The following SREBF1 variants were observed in gnomAD, a reference collection of about 807,000 sequenced individuals.
SREBF1 encodes sterol regulatory element binding transcription factor 1, also known as sterol regulatory element-binding protein 1.
In SREBF1, 45 loss-of-function variants were observed where a neutral mutation model predicts 100.1. The ratio of observed to expected loss-of-function variants is 0.45; its 90% CI spans 0.35 to 0.58. The LOEUF (loss-of-function observed/expected upper bound fraction) is 0.58, where lower values mean the gene tolerates loss of function less well. Among genes scored for constraint, SREBF1 ranks in the 20% least tolerant of loss-of-function variants. The pLI is 0.00. For missense variants in SREBF1, 1,324 were observed against 1,539.4 expected, an observed-to-expected ratio of 0.86 and a Z score of 2.34; for synonymous variants, 657 against 681.8, an observed-to-expected ratio of 0.96 and a Z score of 0.57.
Position 17,814,602 on chromosome 17 carries a change from G to T in SREBF1, c.2735+13C>A, listed in dbSNP as rs2033339200. 3 of 1,538,830 alleles carry T rather than the reference G, an allele frequency of 1.9e-6. No individual in the cohort carries two copies. ...GCCCGGGACCAGGCAGGAGGAACCT[G>T]CCGTGCACTCACTCAGACTCCTGCA... On this transcript the variant is annotated intron_variant, in intron 15 of 18. Transcript: ENST00000261646.
chr17:17,818,398 G>A (rs2033817376), intron 5 of SREBF1, 24 bp from the exon 6 acceptor site: 4 of 1,461,152 alleles, frequency 2.7e-6, no homozygotes, highest in Non-Finnish European at 3.8e-6. Context: ...GAGGGAGGGG[G>A]AGCGCACAGG....
chr17:17,811,535 CTG>C lies in SREBF1; in HGVS notation c.*1085_*1086del, dbSNP rs1491475690. 2.7e-3 allele frequency: 491 copies of C among 181,182 alleles called. 2 individuals are homozygous for C. The African/African-American group carries it at 0.038, about 14-fold the overall frequency. 11.2% of individuals were successfully genotyped at this position (181,182 alleles called of 1,614,324 possible). A position where few individuals can be genotyped will look rare whatever the true frequency, so the allele number is the denominator to read the frequency against. On this transcript the variant is annotated 3_prime_UTR_variant, in exon 19 of 19. Transcript: ENST00000261646. ...TGGGGAATGGGAATGAAGGGAGGGGCTGGGGGGGGGGGCATGAATGGAGTCAG... is the reference window on the plus strand; with the variant it reads ...TGGGGAATGGGAATGAAGGGAGGGGCGGGGGGGGGGCATGAATGGAGTCAG...
intron 14 of SREBF1, 23 bp from the exon 15 acceptor site, chr17:17,814,770 T>C: frequency 6.2e-7 from 1 of 1,611,198 alleles, no homozygotes; most frequent in South Asian, 1.1e-5. Flanking sequence ...GAGGGTCCCC[T>C]GAACCCTCAG....
chr17:17,823,398 C>T (rs545638894), intron 1 of SREBF1: 8 of 818,816 alleles, frequency 9.8e-6, no homozygotes, highest in Middle Eastern at 5.4e-4. Context: ...ACACCTTCTC[C>T]CTCGGGAAGG....
intron 1 of SREBF1, chr17:17,823,492 G>A (rs2034248632): frequency 6.5e-7 from 1 of 1,547,102 alleles, no homozygotes. Context: ...TGTATAAAGG[G>A]CTGGTGGGGA....
intron 1 of SREBF1, among the ~76,000 whole-genome samples, chr17:17,821,870 G>A (rs761580096): frequency 3.9e-5 from 6 of 152,248 alleles, no homozygotes; most frequent in Admixed American, 6.5e-5. Flanking sequence ...AGCCAGGCCC[G>A]CTGTGGGGCT....
At chr17:17,816,403 G>T in intron 10 of SREBF1, 30 bp from the exon 11 acceptor site, 1 of 1,597,810 alleles carries the variant, frequency 6.3e-7, no homozygotes. Context: ...GAGGCTGTGG[G>T]TGGAGCACAG....
In SREBF1 at chr17:17,817,639, T is replaced by A; in HGVS notation, c.1404+57A>T. On this transcript the variant is annotated intron_variant, in intron 7 of 18. Transcript: ENST00000261646. The surrounding 1 kb of genome is among the most constrained non-coding windows in gnomAD (Gnocchi z 6.6). ...TGTTAGGGTCTTCCCGGCCCTGTCATGAGGCTCAGAGGATATGGCTGGGAG... is the reference window on the plus strand; with the variant it reads ...TGTTAGGGTCTTCCCGGCCCTGTCAAGAGGCTCAGAGGATATGGCTGGGAG... 6.2e-7 allele frequency: 1 copy of A among 1,604,106 alleles called. No homozygotes were observed. Among genetic ancestry groups the A allele is most frequent in the Non-Finnish European group, 8.5e-7 (1 of 1,172,666 alleles).
intron 1 of SREBF1, among the ~76,000 whole-genome samples, chr17:17,828,455 G>A (rs1470602803): frequency 6.6e-6 from 1 of 152,332 alleles, no homozygotes; most frequent in Non-Finnish European, 1.5e-5. Flanking sequence ...CAGCACCTGC[G>A]AGATGGCAAT....
intron 1 of SREBF1, among the ~76,000 whole-genome samples, chr17:17,822,104 C>T (rs1010604709): frequency 1.3e-5 from 2 of 152,236 alleles, no homozygotes; most frequent in Non-Finnish European, 2.9e-5. Context: ...AAGATTAGCT[C>T]ACCTCATCTT....
Position 17,816,205 on chromosome 17 carries a change from A to ACCCCCCGCCACCCCACACCC in SREBF1, c.2214+1_2214+2insGGGTGTGGGGTGGCGGGGGG. The ACCCCCCGCCACCCCACACCC allele has an allele frequency of 8.9e-7, 1 of 1,123,430 alleles. No individual in the cohort carries two copies. The highest frequency in any genetic ancestry group is 1.1e-6 in the Non-Finnish European group (1 of 883,194). The allele number at this position is 1,123,430 out of a possible 1,614,324, so 69.6% of individuals were successfully genotyped here. ...AAGCCCCCAGCCCCCCAACCCACTC[A>ACCCCCCGCCACCCCACACCC]CTGTCAGAAAATGCAAGGCCCGTGG... On this transcript the variant is annotated splice_donor_variant, in intron 11 of 18. Coordinates refer to ENST00000261646, the MANE Select transcript of SREBF1 (RefSeq NM_004176.5). LOFTEE classifies it high-confidence loss of function.
rs1004476427 is a variant in SREBF1 at position 17,836,865 on chromosome 17, C to T, written c.-48G>A. The stretch of plus-strand genomic sequence containing the variant: ...GGCCCGCCGGGCCCGCCGCCTCGTA[C>T]GGCCCTTCCTAGGGAGCGCCGCCGC... On this transcript the variant is annotated 5_prime_UTR_variant, in exon 1 of 19. Coordinates refer to ENST00000261646, the MANE Select transcript of SREBF1 (RefSeq NM_004176.5). The T allele has an allele frequency of 2.0e-6, 3 of 1,496,538 alleles. No homozygotes were observed. Among genetic ancestry groups the T allele is most frequent in the Non-Finnish European group, 1.8e-6 (2 of 1,124,514 alleles). The allele number at this position is 1,496,538 out of a possible 1,614,324, so 92.7% of individuals were successfully genotyped here. A position where few individuals can be genotyped will look rare whatever the true frequency, so the allele number is the denominator to read the frequency against.
At position 17,816,604 on chromosome 17, in the gene SREBF1, G is replaced by T; in HGVS notation, c.1900C>A (p.His634Asn). 6.2e-7 allele frequency: 1 copy of T among 1,606,048 alleles called. No homozygotes were observed. Among genetic ancestry groups the T allele is most frequent in the East Asian group, 2.2e-5 (1 of 44,614 alleles). Reference sequence around the variant, plus strand: ...CCCACCCAGAGACGCTGCAGCAGGTGACGGATGAGGTTCCAGAGGAGGCTA... The same window carrying T: ...CCCACCCAGAGACGCTGCAGCAGGTTACGGATGAGGTTCCAGAGGAGGCTA... Reference protein sequence around the residue: ...ACSLLWNLIRHLLQRLWVGRW... With the variant: ...ACSLLWNLIRNLLQRLWVGRW... Residue 634 changes from histidine (H) to asparagine (N), a missense_variant, in exon 10 of 19, where the codon CAC becomes AAC. Physicochemically the swap from His to Asn is moderately conservative, Grantham distance 68. Transcript: ENST00000261646.
At position 17,824,159 on chromosome 17, in the gene SREBF1, A is replaced by T. The variant is rs1433571183; in HGVS notation, c.92-3638T>A. ...AGATAATATGGGTGCAGCACTTAGT[A>T]CGCAAGAAGCGTTTAATTAAGGCCA... is the stretch of plus-strand genomic sequence containing the variant. On this transcript the variant is annotated intron_variant, in intron 1 of 18. Transcript: ENST00000261646. The surrounding 1 kb of genome is among the most constrained non-coding windows in gnomAD (Gnocchi z 4.2). Among the ~76,000 whole-genome samples, 1 of 152,188 alleles carries T rather than the reference A, an allele frequency of 6.6e-6. No homozygotes were observed. The highest frequency in any genetic ancestry group is 1.5e-5 in the Non-Finnish European group (1 of 68,026).
At chr17:17,830,848 G>T (rs557268670) in intron 1 of SREBF1, among the ~76,000 whole-genome samples, 1 of 152,352 alleles carries the variant, frequency 6.6e-6, no homozygotes, top group East Asian at 1.9e-4. Flanking sequence ...AGCACATGGT[G>T]CAGGCTGTCA....
chr17:17,813,220 G>C, intron 18 of SREBF1, 148 bp downstream of exon 18: 1 of 824,700 alleles, frequency 1.2e-6, no homozygotes, highest in Non-Finnish European at 2.0e-6. Flanking sequence ...CCTCCCAACT[G>C]AGCCTCCCAA....
rs2032890203 is a variant in SREBF1, at chr17:17,811,867, C to T, written c.*755G>A. ...GGGTTGACACAGCCCAACCATGTGC[C>T]CTGGGAGCAGGGGGAACAGGTAGGC... is the stretch of plus-strand genomic sequence containing the variant. On this transcript the variant is annotated 3_prime_UTR_variant, in exon 19 of 19. Coordinates refer to ENST00000261646, the MANE Select transcript of SREBF1 (RefSeq NM_004176.5). 1 of 435,914 alleles carries T rather than the reference C, an allele frequency of 2.3e-6. No individual in the cohort carries two copies. Among genetic ancestry groups the T allele is most frequent in the Non-Finnish European group, 4.6e-6 (1 of 218,212 alleles). The allele number at this position is 435,914 out of a possible 1,614,324, so 27.0% of individuals were successfully genotyped here. A position where few individuals can be genotyped will look rare whatever the true frequency, so the allele number is the denominator to read the frequency against.
chr17:17,812,900 C>G (rs1184599043), intron 18 of SREBF1, 49 bp from the exon 19 acceptor site: 12 of 1,424,832 alleles, frequency 8.4e-6, no homozygotes, highest in Non-Finnish European at 1.1e-5. Flanking sequence ...TGGCCACGCC[C>G]CCGCGGGAGC....
At chr17:17,831,108 T>G (rs1271657732) in intron 1 of SREBF1, among the ~76,000 whole-genome samples, 2 of 35,064 alleles carry the variant, frequency 5.7e-5, no homozygotes, top group African/African-American at 2.3e-4. Context: ...AACTTTATCT[T>G]GGAGCACTAG....
Sources: allele counts gnomAD v4.1 joint callset (sites outside exome capture counted in the v4.1 genomes callset), GRCh38; gene constraint gnomAD v4.1.1; non-coding constraint Gnocchi (gnomAD v3.1); transcripts MANE v1.5; gene names NCBI Gene and HGNC (gene_info 2026-07-23, HGNC 2026-07-21).